RIN2: variants seen among roughly 807,000 people sequenced by gnomAD.
The protein encoded by RIN2 is RAB5 interacting protein 2.
A neutral mutation model predicts 78.0 loss-of-function variants in RIN2; 36 were observed. The observed-to-expected ratio is 0.46, with a 90% CI of 0.35 to 0.61. The LOEUF is 0.61. Among genes scored for constraint, RIN2 ranks in the 20% least tolerant of loss-of-function variants. The pLI, the probability that RIN2 is intolerant of heterozygous loss-of-function variation, is 0.00. For synonymous variants in RIN2, 466 were observed against 466.8 expected, an observed-to-expected ratio of 1.00 and a Z score of 0.02; for missense variants, 1,087 against 1,159.7, an observed-to-expected ratio of 0.94 and a Z score of 0.91.
intron 2 of RIN2, among the ~76,000 whole-genome samples, chr20:19,801,617 G>A (rs941393180): frequency 6.6e-6 from 1 of 152,166 alleles, no homozygotes; most frequent in South Asian, 2.1e-4. Flanking sequence ...CACCGCGCCC[G>A]GCATCATTAT....
chr20:19,834,443 G>A (rs1010669101), intron 2 of RIN2, among the ~76,000 whole-genome samples: 3 of 152,202 alleles, frequency 2.0e-5, no homozygotes, highest in East Asian at 1.9e-4. Flanking sequence ...AACCCAAATC[G>A]CACAGCTAGT....
intron 2 of RIN2, among the ~76,000 whole-genome samples, chr20:19,835,097 GAA>G (rs2036378199): frequency 6.9e-6 from 1 of 144,916 alleles, no homozygotes; most frequent in East Asian, 2.0e-4. Context: ...GAAAAAGAAA[GAA>G]GAAAGAAAGA....
chr20:19,930,110 G>A (rs970036594), intron 3 of RIN2, among the ~76,000 whole-genome samples: 22 of 152,068 alleles, frequency 1.4e-4, no homozygotes, highest in Non-Finnish European at 2.8e-4. Flanking sequence ...GGGGGGATGC[G>A]AGGGACCAAA....
rs370924679 is a variant in RIN2, at chr20:19,932,560, G to A, written c.58-2539G>A. ...CAGTGCTTCTGGAAGCTCCCCCTCTGGTCCTTACTGCAGTCACAGGCACCG... is the reference window on the plus strand; with the variant it reads ...CAGTGCTTCTGGAAGCTCCCCCTCTAGTCCTTACTGCAGTCACAGGCACCG... On this transcript the variant is annotated intron_variant, in intron 3 of 12. Coordinates refer to ENST00000255006, the MANE Select transcript of RIN2 (RefSeq NM_018993.4). Among the ~76,000 whole-genome samples, 4 of 152,218 alleles carry A rather than the reference G, an allele frequency of 2.6e-5. 1 individual carries two copies. The highest frequency in any genetic ancestry group is 1.9e-4 in the East Asian group (1 of 5,180).
intron 2 of RIN2, among the ~76,000 whole-genome samples, chr20:19,877,918 G>A (rs565723860): frequency 6.6e-4 from 101 of 152,288 alleles, no homozygotes; most frequent in African/African-American, 2.2e-3. Flanking sequence ...TACTGGAGAG[G>A]CTGTGGTGGG....
chr20:19,897,919 G>A (rs1373880483), intron 3 of RIN2, among the ~76,000 whole-genome samples: 4 of 152,064 alleles, frequency 2.6e-5, no homozygotes, highest in African/African-American at 9.7e-5. Context: ...TCACTTCGTT[G>A]CCCCGTCTGG....
At chr20:19,819,783 C>T (rs1225165785) in intron 2 of RIN2, among the ~76,000 whole-genome samples, 3 of 152,210 alleles carry the variant, frequency 2.0e-5, no homozygotes, top group Non-Finnish European at 4.4e-5. Context: ...ATCCTCCTGC[C>T]TCAGCCTCCC....
In RIN2 at chr20:19,889,628, C is replaced by T. The variant is rs561287525; in HGVS notation, c.27C>T (p.Arg9=). ...TGACAGCTTGGACCATGGGCGCCCG[C>T]GGTCTGGACAAGCGAGGAAGTTTCT... is the stretch of plus-strand genomic sequence containing the variant. MTAWTMGA[R]GLDKRGSFFK... Residue 9 remains arginine, a synonymous_variant, in exon 3 of 13, where the codon CGC becomes CGT. Coordinates refer to ENST00000255006, the MANE Select transcript of RIN2 (RefSeq NM_018993.4). 20 of 1,546,234 alleles carry T rather than the reference C, an allele frequency of 1.3e-5. No individual in the cohort carries two copies. The highest frequency in any genetic ancestry group is 4.9e-5 in the East Asian group (2 of 40,990).
chr20:19,925,843 A>G (rs2040201748), intron 3 of RIN2, among the ~76,000 whole-genome samples: 1 of 152,210 alleles, frequency 6.6e-6, no homozygotes, highest in African/African-American at 2.4e-5. Flanking sequence ...TGCTACATGC[A>G]TAGGCTCCAG....
intron 2 of RIN2, among the ~76,000 whole-genome samples, chr20:19,812,103 T>A (rs939489367): frequency 1.3e-5 from 2 of 152,180 alleles, no homozygotes; most frequent in Non-Finnish European, 2.9e-5. Flanking sequence ...CATGGATTTA[T>A]CACACTTTGT....
At chr20:19,960,919 G>T in intron 6 of RIN2, 108 bp downstream of exon 6, 1 of 667,530 alleles carries the variant, frequency 1.5e-6, no homozygotes, top group East Asian at 2.7e-5. Flanking sequence ...ATGGGCCTGA[G>T]TCTTGGCACT....
At chr20:19,950,895 T>C (rs1034684134) in intron 4 of RIN2, among the ~76,000 whole-genome samples, 3 of 151,100 alleles carry the variant, frequency 2.0e-5, no homozygotes, top group African/African-American at 7.3e-5. Flanking sequence ...TTTTTTTTTT[T>C]TTTTCTTTTT....
At chr20:19,824,200 A>G (rs992628206) in intron 2 of RIN2, among the ~76,000 whole-genome samples, 1 of 152,196 alleles carries the variant, frequency 6.6e-6, no homozygotes, top group South Asian at 2.1e-4. Context: ...GAACAAGCCT[A>G]CGGCAGAGAA....
chr20:19,823,587 T>C (rs554452602), intron 2 of RIN2: 41 of 1,511,534 alleles, frequency 2.7e-5, no homozygotes, highest in Middle Eastern at 4.7e-4. Context: ...TGGCTAAGGA[T>C]TGGTGCCGCA....
intron 8 of RIN2, among the ~76,000 whole-genome samples, chr20:19,971,735 ATTTT>A (rs61019165): frequency 4.4e-5 from 4 of 91,534 alleles, no homozygotes; most frequent in African/African-American, 2.0e-4. Flanking sequence ...TGAAACTGCA[ATTTT>A]TTTTTTTTTT....
intron 4 of RIN2, among the ~76,000 whole-genome samples, chr20:19,941,563 G>A (rs2040871445): frequency 6.6e-6 from 1 of 152,116 alleles, no homozygotes. Flanking sequence ...ACACATCGAT[G>A]GCTTTGCTCA....
At chr20:19,929,030 A>C (rs1044274629) in intron 3 of RIN2, among the ~76,000 whole-genome samples, 3 of 152,156 alleles carry the variant, frequency 2.0e-5, no homozygotes, top group African/African-American at 7.2e-5. Flanking sequence ...GGAATGATGC[A>C]GCTGTGCTGG....
At chr20:19,879,848 A>T (rs1013838537) in intron 2 of RIN2, among the ~76,000 whole-genome samples, 1 of 152,228 alleles carries the variant, frequency 6.6e-6, no homozygotes, top group Non-Finnish European at 1.5e-5. Context: ...GAGAGAGGAA[A>T]GATCTTCAGA....
intron 2 of RIN2, among the ~76,000 whole-genome samples, chr20:19,804,932 A>G (rs1178844030): frequency 6.6e-6 from 1 of 152,118 alleles, no homozygotes; most frequent in African/African-American, 2.4e-5. Flanking sequence ...TTATTGGTCT[A>G]TTCAGGGATT....
Sources: allele counts gnomAD v4.1 joint callset (sites outside exome capture counted in the v4.1 genomes callset), GRCh38; gene constraint gnomAD v4.1.1; transcripts MANE v1.5; gene names NCBI Gene and HGNC (gene_info 2026-07-23, HGNC 2026-07-21).